NEXMIF: variants seen among roughly 807,000 people sequenced by gnomAD.
The protein encoded by NEXMIF is XLMR protein related to neurite extension.
In NEXMIF, 8 loss-of-function variants were observed where a neutral mutation model predicts 62.1. That is an observed-to-expected ratio of 0.13 (90% CI 0.08 to 0.23). NEXMIF has a LOEUF of 0.23. Ranked by LOEUF, NEXMIF falls within the 10% of genes least tolerant of loss-of-function variation. The probability of loss-of-function intolerance (pLI) is 1.00; values close to 1 mark genes in which losing one functional copy is unlikely to be tolerated. For synonymous variants in NEXMIF, 404 were observed against 416.6 expected (o/e 0.97, Z 0.37); for missense variants, 976 against 1,113.3 (o/e 0.88, Z 1.75).
intron 1 of NEXMIF, among the ~76,000 whole-genome samples, chrX:74,764,480 C>T (rs1602220785): frequency 1.8e-5 from 2 of 111,908 alleles, no homozygotes; most frequent in African/African-American, 6.5e-5. Context: ...ATGCTGGCCT[C>T]ATAAAATGAG....
rs188473876 is a variant in NEXMIF, at chrX:74,869,130, A to C, written c.-48+55753T>G. 6.2e-4 allele frequency among the ~76,000 whole-genome samples: 69 copies of C among 111,998 alleles called. 1 individual carries two copies. The highest frequency in any genetic ancestry group is 2.2e-3 in the African/African-American group (69 of 30,898). On this transcript the variant is annotated intron_variant, in intron 1 of 3. Transcript: ENST00000055682. ...AAACATTAAAAAGATCATTTATTAT[A>C]ACTGAGATTTATCCCAGGAATGAAA...
chrX:74,835,590 T>C (rs1367826539), intron 1 of NEXMIF, among the ~76,000 whole-genome samples: 2 of 110,005 alleles, frequency 1.8e-5, no homozygotes, highest in African/African-American at 6.6e-5. Flanking sequence ...GGAACTCTTG[T>C]TTTTTTTTGT....
chrX:74,832,743 A>G (rs2080442246), intron 1 of NEXMIF, among the ~76,000 whole-genome samples: 1 of 111,216 alleles, frequency 9.0e-6, no homozygotes, highest in Admixed American at 9.6e-5. Flanking sequence ...TTTTTGAGGT[A>G]GTCACTTATA....
chrX:74,862,440 A>C (rs1286188434), intron 1 of NEXMIF, among the ~76,000 whole-genome samples: 1 of 110,499 alleles, frequency 9.0e-6, no homozygotes, highest in African/African-American at 3.3e-5. Flanking sequence ...TCGAGACAGA[A>C]AATTAACAAA....
At position 74,741,095 on chromosome X, in the gene NEXMIF, A is replaced by T. The variant is rs1250327325; in HGVS notation, c.3462T>A (p.Pro1154=). The T allele has an allele frequency of 1.7e-6, 2 of 1,211,569 alleles. No individual in the cohort carries two copies. Among genetic ancestry groups the T allele is most frequent in the Non-Finnish European group, 2.2e-6 (2 of 895,418 alleles). The change falls in exon 3 of 4, where the codon CCT becomes CCA. Residue 1154 remains proline, a synonymous_variant. Transcript: ENST00000055682. The stretch of plus-strand genomic sequence containing the variant: ...ATGGATCATTAAATGTTGACAGGCA[A>T]GGGTTTTTTTGGAGCAGGCTGACAG... ...EDSVSLLQKN[P]CLSTFNDPSG...
At chrX:74,796,278 ATATATTATATATAT>A (rs2080311477) in intron 1 of NEXMIF, among the ~76,000 whole-genome samples, 2 of 24,126 alleles carry the variant, frequency 8.3e-5, no homozygotes, top group South Asian at 6.4e-3. Flanking sequence ...ATATATACAT[ATATATTATATATAT>A]TATATATATA....
At chrX:74,806,505 G>C (rs757899156) in intron 1 of NEXMIF, among the ~76,000 whole-genome samples, 2 of 111,747 alleles carry the variant, frequency 1.8e-5, no homozygotes, top group South Asian at 7.4e-4. Context: ...TTCCTTAATT[G>C]TAACAAATGT....
intron 1 of NEXMIF, among the ~76,000 whole-genome samples, chrX:74,820,537 A>G (rs2080391480): frequency 9.0e-6 from 1 of 111,469 alleles, no homozygotes; most frequent in South Asian, 3.8e-4. Flanking sequence ...CTATTCTACC[A>G]TTAAGACACA....
intron 1 of NEXMIF, among the ~76,000 whole-genome samples, chrX:74,761,174 G>A: frequency 9.0e-6 from 1 of 110,863 alleles, no homozygotes; most frequent in Non-Finnish European, 1.9e-5. Context: ...CTGGCCCAAA[G>A]TTTTATTTTT....
At position 74,774,955 on chromosome X, in the gene NEXMIF, A is replaced by T. The variant is rs183042740; in HGVS notation, c.-47-29258T>A. Reference sequence around the variant, plus strand: ...CCACTCATTATATACTAAGATAAAAATATCATTATGTGCCTAGATCAAATG... The same window carrying T: ...CCACTCATTATATACTAAGATAAAATTATCATTATGTGCCTAGATCAAATG... On this transcript the variant is annotated intron_variant, in intron 1 of 3. Coordinates refer to ENST00000055682, the MANE Select transcript of NEXMIF (RefSeq NM_001008537.3). Among the ~76,000 whole-genome samples the T allele has an allele frequency of 7.2e-3, 806 of 111,863 alleles. 7 individuals carry two copies. Among genetic ancestry groups the T allele is most frequent in the Non-Finnish European group, 0.012 (651 of 53,186 alleles).
intron 1 of NEXMIF, among the ~76,000 whole-genome samples, chrX:74,750,128 T>C (rs947398837): frequency 9.0e-6 from 1 of 110,843 alleles, no homozygotes; most frequent in Admixed American, 9.7e-5. Context: ...AGGTGTGAGA[T>C]GTCAAAAAGA....
intron 1 of NEXMIF, among the ~76,000 whole-genome samples, chrX:74,791,789 T>C (rs1185130095): frequency 9.1e-6 from 1 of 110,366 alleles, no homozygotes; most frequent in Admixed American, 9.7e-5. Context: ...TATTCTCTGA[T>C]GGTAGTTTGT....
intron 1 of NEXMIF, among the ~76,000 whole-genome samples, chrX:74,782,155 C>T (rs767207858): frequency 4.5e-5 from 5 of 111,364 alleles, no homozygotes; most frequent in Admixed American, 9.6e-5. Context: ...GACTCATACT[C>T]TCTCTCAGGA....
At chrX:74,874,564 A>T (rs1464526092) in intron 1 of NEXMIF, among the ~76,000 whole-genome samples, 7 of 100,537 alleles carry the variant, frequency 7.0e-5, no homozygotes, top group Admixed American at 2.2e-4. Context: ...ATGGCATTGA[A>T]TCTGTAAATT....
At chrX:74,858,447 A>G (rs967853395) in intron 1 of NEXMIF, among the ~76,000 whole-genome samples, 4 of 112,661 alleles carry the variant, frequency 3.6e-5, no homozygotes, top group African/African-American at 1.3e-4. Context: ...TAAGACTACA[A>G]GAGTCACAGC....
At chrX:74,753,295 C>T (rs2080149580) in intron 1 of NEXMIF, among the ~76,000 whole-genome samples, 1 of 111,681 alleles carries the variant, frequency 9.0e-6, no homozygotes, top group Non-Finnish European at 1.9e-5. Flanking sequence ...TAGTCTCATC[C>T]CAAACTCCCC....
At chrX:74,828,515 T>A (rs905881149) in intron 1 of NEXMIF, among the ~76,000 whole-genome samples, 12 of 112,273 alleles carry the variant, frequency 1.1e-4, no homozygotes, top group African/African-American at 3.6e-4. Flanking sequence ...GGTGTTGTCA[T>A]AAAATGAATG....
At chrX:74,912,209 C>T (rs1220182934) in intron 1 of NEXMIF, among the ~76,000 whole-genome samples, 2 of 111,539 alleles carry the variant, frequency 1.8e-5, no homozygotes, top group East Asian at 5.6e-4. Flanking sequence ...ATGCTCCCCA[C>T]CTGGCTAAGC....
chrX:74,858,410 T>C (rs2080543374), intron 1 of NEXMIF, among the ~76,000 whole-genome samples: 1 of 112,295 alleles, frequency 8.9e-6, no homozygotes, highest in African/African-American at 3.2e-5. Context: ...TGGATTCTTA[T>C]CCAAGACCAG....
Sources: gnomAD v4.1 joint callset for allele counts (sites outside exome capture counted in the v4.1 genomes callset) on GRCh38, gnomAD v4.1.1 for gene constraint, MANE v1.5 for transcripts, NCBI Gene and HGNC (gene_info 2026-07-23, HGNC 2026-07-21) for gene names.